The following SYT16 variants were observed in gnomAD, a reference collection of about 807,000 sequenced individuals.
The protein encoded by SYT16 is synaptotagmin 16.
A neutral mutation model predicts 61.4 loss-of-function variants in SYT16; 42 were observed. That is an observed-to-expected ratio of 0.68 (90% CI 0.53 to 0.89). The LOEUF (loss-of-function observed/expected upper bound fraction) is 0.89. Ranked by LOEUF, SYT16 falls within the 40% of genes least tolerant of loss-of-function variation. SYT16 has a pLI of 0.00. For synonymous variants in SYT16, 314 were observed against 302.3 expected, an observed-to-expected ratio of 1.04 and a Z score of -0.40; for missense variants, 804 against 807.3, an observed-to-expected ratio of 1.00 and a Z score of 0.05.
At chr14:62,090,462 A>C (rs960775656) in intron 7 of SYT16, among the ~76,000 whole-genome samples, 1 of 152,178 alleles carries the variant, frequency 6.6e-6, no homozygotes, top group African/African-American at 2.4e-5. Flanking sequence ...TGCTCTACAG[A>C]GTGCAGGGAA....
At chr14:62,081,372 C>G in intron 6 of SYT16, 98 bp downstream of exon 6, 1 of 1,325,794 alleles carries the variant, frequency 7.5e-7, no homozygotes, top group East Asian at 2.5e-5. Context: ...AATTCAGAGA[C>G]TTTAATTTAA....
intron 2 of SYT16, among the ~76,000 whole-genome samples, chr14:61,991,362 G>GTGTGTGTT (rs370134860): frequency 6.6e-6 from 1 of 151,112 alleles, no homozygotes; most frequent in African/African-American, 2.4e-5. Context: ...GTGTGTGTGT[G>GTGTGTGTT]TTTTCTAAAA....
chr14:62,059,957 A>G lies in SYT16; in HGVS notation c.524-9646A>G, dbSNP rs923170219. On this transcript the variant is annotated intron_variant, in intron 3 of 7. Coordinates refer to ENST00000683842, the MANE Select transcript of SYT16 (RefSeq NM_001367656.1). ...GTGTGGCACTATTTCTGGACTCTGT[A>G]TTCTGCTTCATTGATTTATTGATCT... 3.9e-5 allele frequency among the ~76,000 whole-genome samples: 6 copies of G among 152,192 alleles called. No homozygotes were observed. In the East Asian group the frequency reaches 1.2e-3, roughly 29 times the overall value.
chr14:61,995,681 A>G (rs1407924779), intron 2 of SYT16, 195 bp from the exon 3 acceptor site: 9 of 203,024 alleles, frequency 4.4e-5, no homozygotes, highest in Admixed American at 2.8e-4. Flanking sequence ...AGTTTTCCAC[A>G]TGGCTATGGA....
intron 3 of SYT16, among the ~76,000 whole-genome samples, chr14:62,043,901 G>C (rs982399476): frequency 2.7e-5 from 4 of 149,384 alleles, no homozygotes; most frequent in African/African-American, 5.0e-5. Context: ...TAGAACTCCT[G>C]GCCTCAAGCA....
chr14:61,961,152 A>G (rs1381990640), intron 1 of SYT16, among the ~76,000 whole-genome samples: 1 of 152,232 alleles, frequency 6.6e-6, no homozygotes, highest in Non-Finnish European at 1.5e-5. Context: ...GTAAAACCTA[A>G]AACTATAAAA....
At chr14:61,954,101 T>C (rs1268067971) in intron 1 of SYT16, among the ~76,000 whole-genome samples, 1 of 152,188 alleles carries the variant, frequency 6.6e-6, no homozygotes, top group East Asian at 1.9e-4. Context: ...GCTTTCCTCA[T>C]GTTTTTAATG....
In SYT16 at chr14:61,925,712, T is replaced by C. The variant is rs182626365; in HGVS notation, c.-324-44420T>C. ...GGCCTTATTTTCTTCTAACATCTTA[T>C]GATGCAATGATTATGTTCCTCTCCC... On this transcript the variant is annotated intron_variant, in intron 1 of 7. Transcript: ENST00000683842. Among the ~76,000 whole-genome samples, 3 of 152,300 alleles carry C rather than the reference T, an allele frequency of 2.0e-5. No individual in the cohort carries two copies. The East Asian group carries it at 5.8e-4, about 29-fold the overall frequency.
chr14:61,996,263 A>G lies in SYT16; in HGVS notation c.244A>G (p.Asn82Asp). 1.2e-6 allele frequency: 2 copies of G among 1,613,610 alleles called. No individual in the cohort carries two copies. Among genetic ancestry groups the G allele is most frequent in the Middle Eastern group, 3.3e-4 (2 of 6,058 alleles). ...CAATGATTGGAGTCAAGAGGATGCA[A>G]ATTCCTTGTTTCTTGAAGTGGATCA... Reference protein sequence around the residue: ...QDNDWSQEDANSLFLEVDHFS... With the variant: ...QDNDWSQEDADSLFLEVDHFS... Residue 82 changes from asparagine to aspartate, a missense_variant, in exon 3 of 8, where the codon AAT (asparagine) becomes GAT (aspartate). Physicochemically the swap from Asn to Asp is conservative, Grantham distance 23. Coordinates refer to ENST00000683842, the MANE Select transcript of SYT16 (RefSeq NM_001367656.1).
Position 62,105,018 on chromosome 14 carries a change from A to T in SYT16, c.*4311A>T, listed in dbSNP as rs1392231737. ...GAGAAAAACAAAAACCAACGTTCAGATACTGTAACAAGGATAGGCTCATGA... is the reference window on the plus strand; with the variant it reads ...GAGAAAAACAAAAACCAACGTTCAGTTACTGTAACAAGGATAGGCTCATGA... On this transcript the variant is annotated 3_prime_UTR_variant, in exon 8 of 8. Coordinates refer to ENST00000683842, the MANE Select transcript of SYT16 (RefSeq NM_001367656.1). 1 of 152,228 alleles carries T rather than the reference A, an allele frequency of 6.6e-6. No individual in the cohort carries two copies. The highest frequency in any genetic ancestry group is 1.5e-5 in the Non-Finnish European group (1 of 68,024). The allele number at this position is 152,228 out of a possible 1,614,324, so 9.4% of individuals were successfully genotyped here. A position where few individuals can be genotyped will look rare whatever the true frequency, so the allele number is the denominator to read the frequency against.
At chr14:61,874,702 A>C (rs1269790605) in intron 1 of SYT16, among the ~76,000 whole-genome samples, 1 of 152,276 alleles carries the variant, frequency 6.6e-6, no homozygotes, top group East Asian at 1.9e-4. Flanking sequence ...CTGAAAGCCT[A>C]AATGGCTCTT....
intron 3 of SYT16, among the ~76,000 whole-genome samples, chr14:62,042,866 G>A (rs1388803085): frequency 6.6e-6 from 1 of 152,088 alleles, no homozygotes; most frequent in Non-Finnish European, 1.5e-5. Context: ...ATTTTCTCTA[G>A]GGAGCCAGCT....
intron 6 of SYT16, among the ~76,000 whole-genome samples, chr14:62,082,650 C>T (rs918407092): frequency 6.6e-6 from 1 of 152,134 alleles, no homozygotes; most frequent in Non-Finnish European, 1.5e-5. Flanking sequence ...CTCAGATCTC[C>T]CTTTTTTCTT....
chr14:61,983,662 A>G (rs768554704), intron 2 of SYT16, among the ~76,000 whole-genome samples: 59 of 152,034 alleles, frequency 3.9e-4, no homozygotes, highest in Non-Finnish European at 7.6e-4. Flanking sequence ...AGTAGCTTGG[A>G]CTTCAGTTGC....
intron 7 of SYT16, among the ~76,000 whole-genome samples, chr14:62,091,433 G>A (rs1055941923): frequency 2.6e-5 from 4 of 152,150 alleles, no homozygotes; most frequent in African/African-American, 9.7e-5. Flanking sequence ...GTAAATATAG[G>A]CCTGCATGGA....
chr14:61,999,676 T>G (rs1189276170), intron 3 of SYT16, among the ~76,000 whole-genome samples: 2 of 151,872 alleles, frequency 1.3e-5, no homozygotes, highest in Non-Finnish European at 2.9e-5. Flanking sequence ...TTCTTTCTTA[T>G]TTTCTATTAT....
In SYT16 at chr14:62,054,360, G is replaced by GTTGTTTTTTTTTTTTTTTTTT. The variant is rs1411904235; in HGVS notation, c.524-15241_524-15240insGTTTTTTTTTTTTTTTTTTTT. Among the ~76,000 whole-genome samples the GTTGTTTTTTTTTTTTTTTTTT allele has an allele frequency of 9.3e-5, 11 of 118,258 alleles. 1 individual carries two copies. The highest frequency in any genetic ancestry group is 5.3e-4 in the Admixed American group (6 of 11,366). The allele number at this position is 118,258 out of a possible 152,430, so 77.6% of individuals were successfully genotyped here. The stretch of plus-strand genomic sequence containing the variant: ...TAAAAGCTGTTACTTAGTGAAGTGA[G>GTTGTTTTTTTTTTTTTTTTTT]TTTTTTTTTTTTTTTTTGGAGATAG... On this transcript the variant is annotated intron_variant, in intron 3 of 7. Coordinates refer to ENST00000683842, the MANE Select transcript of SYT16 (RefSeq NM_001367656.1).
intron 1 of SYT16, among the ~76,000 whole-genome samples, chr14:61,889,716 C>T (rs2048049381): frequency 6.6e-6 from 1 of 151,958 alleles, no homozygotes; most frequent in Non-Finnish European, 1.5e-5. Flanking sequence ...TCATCTTCCA[C>T]TCTGAGTGGA....
chr14:61,854,560 T>C (rs2046719174), intron 1 of SYT16, among the ~76,000 whole-genome samples: 1 of 152,228 alleles, frequency 6.6e-6, no homozygotes, highest in Non-Finnish European at 1.5e-5. Flanking sequence ...ATGTTTATAA[T>C]GTCACTGCTC....
Sources: allele counts gnomAD v4.1 joint callset (sites outside exome capture counted in the v4.1 genomes callset), GRCh38; gene constraint gnomAD v4.1.1; transcripts MANE v1.5; gene names NCBI Gene and HGNC (gene_info 2026-07-23, HGNC 2026-07-21).